GABRA3: variants seen among roughly 807,000 people sequenced by gnomAD.
The protein encoded by GABRA3 is gamma-aminobutyric acid receptor subunit alpha-3.
Under a neutral mutation model 30.1 loss-of-function variants are expected in GABRA3, and 10 were observed. The ratio of observed to expected loss-of-function variants is 0.33; its 90% CI spans 0.20 to 0.56. The LOEUF (loss-of-function observed/expected upper bound fraction) is 0.56. Among genes scored for constraint, GABRA3 ranks in the 20% least tolerant of loss-of-function variants. The pLI is 0.89. For missense variants in GABRA3, 233 were observed against 392.0 expected, an observed-to-expected ratio of 0.59 and a Z score of 3.42; for synonymous variants, 151 against 146.8, an observed-to-expected ratio of 1.03 and a Z score of -0.21.
intron 1 of GABRA3, among the ~76,000 whole-genome samples, chrX:152,409,343 C>T (rs1397758981): frequency 9.0e-6 from 1 of 111,298 alleles, no homozygotes; most frequent in Non-Finnish European, 1.9e-5. Flanking sequence ...GATACCCTGT[C>T]TCTAAAGAAA....
chrX:152,255,625 G>C (rs970463690), intron 5 of GABRA3, among the ~76,000 whole-genome samples, 153 bp downstream of exon 5: 4 of 112,304 alleles, frequency 3.6e-5, no homozygotes, highest in Admixed American at 9.4e-5. Context: ...CTGTGAGTAT[G>C]TATGCATGCA....
At chrX:152,351,187 CAA>C (rs765112968) in intron 2 of GABRA3, among the ~76,000 whole-genome samples, 2 of 111,996 alleles carry the variant, frequency 1.8e-5, no homozygotes, top group Non-Finnish European at 3.8e-5. Flanking sequence ...TTGCCCCTGA[CAA>C]AAGAGTCAGC....
At chrX:152,415,246 C>T (rs1396214495) in intron 1 of GABRA3, among the ~76,000 whole-genome samples, 1 of 111,242 alleles carries the variant, frequency 9.0e-6, no homozygotes, top group Non-Finnish European at 1.9e-5. Flanking sequence ...AGGGGAAACT[C>T]AGAGGGAGAG....
intron 5 of GABRA3, among the ~76,000 whole-genome samples, chrX:152,253,638 T>G (rs1343035824): frequency 8.9e-6 from 1 of 111,923 alleles, no homozygotes; most frequent in Non-Finnish European, 1.9e-5. Context: ...CAGCTGTTTC[T>G]TAATCATTTT....
At chrX:152,346,613 G>T (rs755480471) in intron 2 of GABRA3, among the ~76,000 whole-genome samples, 1 of 111,811 alleles carries the variant, frequency 8.9e-6, no homozygotes, top group Admixed American at 9.5e-5. Flanking sequence ...TTAATAACCA[G>T]AATAGATAAA....
intron 1 of GABRA3, among the ~76,000 whole-genome samples, chrX:152,374,380 C>T (rs1336926621): frequency 3.3e-5 from 3 of 90,767 alleles, no homozygotes; most frequent in African/African-American, 4.2e-5. Flanking sequence ...CTTGCTCTGT[C>T]ACCCAGGCTG....
intron 9 of GABRA3, among the ~76,000 whole-genome samples, chrX:152,183,124 A>G (rs1937207396): frequency 9.1e-6 from 1 of 109,455 alleles, no homozygotes; most frequent in Non-Finnish European, 1.9e-5. Flanking sequence ...GAAGAATTTG[A>G]GAATGATTGG....
intron 1 of GABRA3, among the ~76,000 whole-genome samples, chrX:152,365,597 C>T (rs1928634870): frequency 8.9e-6 from 1 of 111,758 alleles, no homozygotes; most frequent in Non-Finnish European, 1.9e-5. Flanking sequence ...GACCCAACAA[C>T]ATACCCTTTT....
intron 3 of GABRA3, among the ~76,000 whole-genome samples, chrX:152,336,714 A>G (rs1284917272): frequency 9.0e-6 from 1 of 111,718 alleles, no homozygotes; most frequent in African/African-American, 3.3e-5. Flanking sequence ...CCAGTTTCGT[A>G]ATTTGGAGTC....
At chrX:152,220,691 T>G (rs1197785785) in intron 6 of GABRA3, among the ~76,000 whole-genome samples, 4 of 111,870 alleles carry the variant, frequency 3.6e-5, no homozygotes. Context: ...AGAGTCCAGA[T>G]TTGCTCAACA....
intron 1 of GABRA3, among the ~76,000 whole-genome samples, chrX:152,382,563 TG>T (rs1209745646): frequency 8.9e-6 from 1 of 112,129 alleles, no homozygotes; most frequent in Non-Finnish European, 1.9e-5. Context: ...CCTGTGCTTT[TG>T]GGGTCATAGA....
chrX:152,444,800 G>A (rs1256439037), intron 1 of GABRA3, among the ~76,000 whole-genome samples: 2 of 79,824 alleles, frequency 2.5e-5, no homozygotes, highest in African/African-American at 9.3e-5. Context: ...GGTGGCTCAC[G>A]CCTGTAATCC....
At chrX:152,248,971 G>A (rs1938507641) in intron 5 of GABRA3, among the ~76,000 whole-genome samples, 1 of 111,557 alleles carries the variant, frequency 9.0e-6, no homozygotes, top group African/African-American at 3.3e-5. Context: ...AAATAAATCT[G>A]TAAAAACAAT....
At chrX:152,441,748 A>G (rs1374245704) in intron 1 of GABRA3, among the ~76,000 whole-genome samples, 1 of 111,121 alleles carries the variant, frequency 9.0e-6, no homozygotes, top group Non-Finnish European at 1.9e-5. Flanking sequence ...CTAGTTGTGT[A>G]TAAATGATAT....
intron 1 of GABRA3, chrX:152,392,150 C>T (rs1009786829): frequency 2.8e-6 from 1 of 361,078 alleles, no homozygotes; most frequent in Non-Finnish European, 5.6e-6. Context: ...GGATGTGATA[C>T]AAGATTAGAA....
rs969921843 is a variant in GABRA3 at position 152,175,891 on chromosome X, A to C, written c.1144-7328T>G. On this transcript the variant is annotated intron_variant, in intron 9 of 9. Transcript: ENST00000370314. ...CATCCTGGCTAACACGGTGAAACCC[A>C]GTCTCTACTAAAAATACAAAAAATT... Among the ~76,000 whole-genome samples the C allele has an allele frequency of 8.2e-5, 9 of 109,181 alleles. No homozygotes were observed. In the East Asian group the frequency reaches 8.7e-4, roughly 11 times the overall value. 94.8% of individuals were successfully genotyped at this position (109,181 alleles called of 115,157 possible). A position where few individuals can be genotyped will look rare whatever the true frequency, so the allele number is the denominator to read the frequency against.
At chrX:152,372,742 T>C (rs1365251474) in intron 1 of GABRA3, among the ~76,000 whole-genome samples, 1 of 112,170 alleles carries the variant, frequency 8.9e-6, no homozygotes, top group Non-Finnish European at 1.9e-5. Flanking sequence ...CTTTCAATCC[T>C]TCATTTTATG....
At chrX:152,407,919 T>G (rs1929975002) in intron 1 of GABRA3, among the ~76,000 whole-genome samples, 1 of 111,684 alleles carries the variant, frequency 9.0e-6, no homozygotes, top group Non-Finnish European at 1.9e-5. Flanking sequence ...TTTCAACATA[T>G]GCAAACCAAT....
intron 1 of GABRA3, chrX:152,393,655 C>G (rs181713267): frequency 6.0e-4 from 138 of 228,886 alleles, no homozygotes; most frequent in African/African-American, 4.1e-3. Flanking sequence ...GACAATGATG[C>G]TGGAGGAGAT....
Sources: gnomAD v4.1 joint callset for allele counts (sites outside exome capture counted in the v4.1 genomes callset) on GRCh38, gnomAD v4.1.1 for gene constraint, MANE v1.5 for transcripts, NCBI Gene and HGNC (gene_info 2026-07-23, HGNC 2026-07-21) for gene names.